The following BRD8 variants were observed in gnomAD, a reference collection of about 807,000 sequenced individuals.
BRD8 encodes the protein bromodomain-containing protein 8.
BRD8 carries 67 observed loss-of-function variants against 143.1 expected under a neutral mutation model. That is an observed-to-expected ratio of 0.47 (90% confidence interval 0.38 to 0.57). The LOEUF is 0.57. BRD8 is among the 20% of genes least tolerant of loss of function. The pLI is 0.00. For missense variants in BRD8, 1,103 were observed against 1,503.0 expected, an observed-to-expected ratio of 0.73 and a Z score of 4.40; for synonymous variants, 505 against 517.1, an observed-to-expected ratio of 0.98 and a Z score of 0.32.
chr5:138,149,448 A>C (rs1752293135), intron 23 of BRD8, among the ~76,000 whole-genome samples, 192 bp downstream of exon 23: 1 of 152,142 alleles, frequency 6.6e-6, no homozygotes, highest in Non-Finnish European at 1.5e-5. Context: ...TTGATTAAAC[A>C]TATTTGTTTT....
chr5:138,164,633 G>T, intron 12 of BRD8, 81 bp downstream of exon 12: 1 of 1,515,118 alleles, frequency 6.6e-7, no homozygotes, highest in Non-Finnish European at 9.0e-7. Flanking sequence ...GAATGCAACT[G>T]GAAAACCAAA....
At chr5:138,151,107 G>A (rs1444843121) in intron 21 of BRD8, 99 bp from the exon 22 acceptor site, 2 of 1,416,390 alleles carry the variant, frequency 1.4e-6, no homozygotes, top group Non-Finnish European at 1.9e-6. Flanking sequence ...CAGTGACTAA[G>A]TCTGAGAGGA....
At chr5:138,151,131 T>C (rs1358440157) in intron 21 of BRD8, 123 bp from the exon 22 acceptor site, 36 of 1,287,398 alleles carry the variant, frequency 2.8e-5, no homozygotes, top group Non-Finnish European at 3.3e-5. Flanking sequence ...AATGGTTTAA[T>C]TAATACAATC....
intron 26 of BRD8, among the ~76,000 whole-genome samples, chr5:138,140,445 G>A (rs1002712170): frequency 5.3e-5 from 8 of 152,140 alleles, no homozygotes; most frequent in Non-Finnish European, 1.0e-4. Flanking sequence ...CTCTGGAAGC[G>A]GGAATTCCCA....
rs375836651 is a variant in BRD8 at position 138,161,087 on chromosome 5, G to A, written c.2250-19C>T. On this transcript the variant is annotated intron_variant, in intron 17 of 26. Transcript: ENST00000254900. ...CATAGGCCTAAAAAAAAAGAACAGG[G>A]GTAAGTAGCAGTGGGGATGGAAAGA... 2.1e-4 allele frequency: 339 copies of A among 1,594,296 alleles called. No homozygotes were observed. Among genetic ancestry groups the A allele is most frequent in the Middle Eastern group, 1.9e-3 (11 of 5,644 alleles).
chr5:138,163,721 CCT>C (rs1753186293), intron 14 of BRD8: 2 of 973,582 alleles, frequency 2.1e-6, no homozygotes, highest in Non-Finnish European at 2.9e-6. Flanking sequence ...ATTCTTTAAG[CCT>C]CTGTTACTGC....
chr5:138,165,939 A>G lies in BRD8; in HGVS notation c.1167T>C (p.Asp389=). ...APVGSKAPSI[D]GKEELDLAEK... ...CAGCCAGATCTAATTCTTCCTTCCC[A>G]TCTATGCTGGGAGCCTTTGATCCAA... The change falls in exon 11 of 27, where the codon GAT becomes GAC. Residue 389 remains aspartate (D), a synonymous_variant. Transcript: ENST00000254900. 6.2e-7 allele frequency: 1 copy of G among 1,614,092 alleles called. No individual in the cohort carries two copies. The highest frequency in any genetic ancestry group is 8.5e-7 in the Non-Finnish European group (1 of 1,180,016).
intron 20 of BRD8, among the ~76,000 whole-genome samples, chr5:138,153,429 A>T (rs142416417): frequency 1.3e-3 from 195 of 152,136 alleles, no homozygotes; most frequent in African/African-American, 4.2e-3. Context: ...AATGTATTTT[A>T]AAAAAATGTA....
intron 25 of BRD8, among the ~76,000 whole-genome samples, chr5:138,141,838 G>T (rs1257020399): frequency 6.6e-6 from 1 of 152,184 alleles, no homozygotes; most frequent in Non-Finnish European, 1.5e-5. Context: ...TGAACTGCAG[G>T]TAAGAATCTG....
rs373539008 is a variant in BRD8, at chr5:138,160,062, G to T, written c.2532+7C>A. ...CTGGCACACAGGTTCCTTCCTGATC[G>T]CCTCACCTTCTCTGAAGCATCCTGT... On this transcript the variant is annotated splice_region_variant and intron_variant, in intron 19 of 26. Coordinates refer to ENST00000254900, the MANE Select transcript of BRD8 (RefSeq NM_139199.2). The T allele has an allele frequency of 3.5e-5, 56 of 1,608,042 alleles. 1 individual carries two copies. In the Middle Eastern group the frequency reaches 8.3e-4, roughly 24 times the overall value.
intron 12 of BRD8, 84 bp from the exon 13 acceptor site, chr5:138,164,497 C>T (rs549782024): frequency 7.2e-7 from 1 of 1,381,408 alleles, no homozygotes; most frequent in Admixed American, 1.9e-5. Context: ...GATAATGAGA[C>T]CATAGAAGAA....
Position 138,171,153 on chromosome 5 carries a change from G to A in BRD8, c.244C>T (p.Arg82Ter). The change falls in exon 5 of 27, where the codon CGA becomes TGA. Residue 82 changes from arginine (R) to a stop codon, truncating the protein, a stop_gained. Coordinates refer to ENST00000254900, the MANE Select transcript of BRD8 (RefSeq NM_139199.2). LOFTEE classifies it high-confidence loss of function. The stretch of plus-strand genomic sequence containing the variant: ...TCCACCACTTCTCCCTTTTCACCTC[G>A]TTTCCGTCTGTGGAAAATTGAAAAA... ...LETTETPKRK[R>*]GEKGEVVETV... is the part of the protein sequence containing the mutation. 2 of 1,603,050 alleles carry A rather than the reference G, an allele frequency of 1.2e-6. No homozygotes were observed. Among genetic ancestry groups the A allele is most frequent in the Non-Finnish European group, 1.7e-6 (2 of 1,176,540 alleles).
At chr5:138,159,495 C>A in intron 20 of BRD8, 60 bp downstream of exon 20, 1 of 1,570,636 alleles carries the variant, frequency 6.4e-7, no homozygotes, top group Middle Eastern at 1.7e-4. Flanking sequence ...GCCACCCACC[C>A]CCATTAAGAG....
chr5:138,146,183 A>C (rs1752142113), intron 23 of BRD8, among the ~76,000 whole-genome samples: 1 of 151,526 alleles, frequency 6.6e-6, no homozygotes, highest in Non-Finnish European at 1.5e-5. Context: ...TCAGCCTCCC[A>C]AGTAGCTGGG....
Position 138,168,037 on chromosome 5 carries a change from G to C in BRD8, c.684C>G (p.Asn228Lys), listed in dbSNP as rs764653573. Residue 228 changes from asparagine to lysine, a missense_variant, in exon 9 of 27, where the codon AAC (asparagine) becomes AAG (lysine). Around this residue, in one of 7 missense-constraint regions of BRD8, gnomAD observed 334 missense variants for 372.5 expected, o/e 0.90. Transcript: ENST00000254900. ...SEMAVASGHLNSTGVLLEVGG... is the reference protein window; with the variant it reads ...SEMAVASGHLKSTGVLLEVGG... ...CTACCTCCAGGAGGACACCTGTACT[G>C]TTCAGGTGGCCAGAAGCCACAGCCA... 19 of 1,612,452 alleles carry C rather than the reference G, an allele frequency of 1.2e-5. No individual in the cohort carries two copies. Among genetic ancestry groups the C allele is most frequent in the Non-Finnish European group, 1.5e-5 (18 of 1,179,236 alleles).
At chr5:138,166,762 A>G in intron 9 of BRD8, 35 bp from the exon 10 acceptor site, 1 of 1,290,838 alleles carries the variant, frequency 7.7e-7, no homozygotes, top group Non-Finnish European at 1.1e-6. Flanking sequence ...ATGAAGTAAG[A>G]AGAAAGCACA....
Position 138,166,522 on chromosome 5 carries a change from A to G in BRD8, c.993T>C (p.Ala331=). 1 of 1,606,044 alleles carries G rather than the reference A, an allele frequency of 6.2e-7. No homozygotes were observed. ...APAVSTTESV[A]PVSQPDNCVP... Reference sequence around the variant, plus strand: ...AGTGGCTGCTCAGGGACGCACCTGGAGCTACACTTTCAGTAGTGGAGACAG... The same window carrying G: ...AGTGGCTGCTCAGGGACGCACCTGGGGCTACACTTTCAGTAGTGGAGACAG... The change falls in exon 10 of 27, where the codon GCT becomes GCC. Residue 331 remains alanine (A), a synonymous_variant. Transcript: ENST00000254900.
rs986397084 is a variant in BRD8, at chr5:138,157,399, G to A, written c.2577+2156C>T. 19 of 1,169,472 alleles carry A rather than the reference G, an allele frequency of 1.6e-5. No homozygotes were observed. In the East Asian group the frequency reaches 4.6e-4, roughly 28 times the overall value. 72.4% of individuals were successfully genotyped at this position (1,169,472 alleles called of 1,614,324 possible). ...TCAGCAGAAAAATCCAGAGGGATGA[G>A]GGGCATATTTCTGTCTTCCCACAGA... On this transcript the variant is annotated intron_variant, in intron 20 of 26. Coordinates refer to ENST00000254900, the MANE Select transcript of BRD8 (RefSeq NM_139199.2).
Position 138,159,665 on chromosome 5 carries a change from C to T in BRD8, c.2533-66G>A, listed in dbSNP as rs1345781671. The T allele has an allele frequency of 2.7e-6, 4 of 1,506,934 alleles. No individual in the cohort carries two copies. The African/African-American group carries it at 4.1e-5, about 16-fold the overall frequency. The allele number at this position is 1,506,934 out of a possible 1,614,324, so 93.3% of individuals were successfully genotyped here. A position where few individuals can be genotyped will look rare whatever the true frequency, so the allele number is the denominator to read the frequency against. ...ACTCTCAGCCACAAGCACCCCAAACCTCAGGACAGAGACACAAGCACCACA... is the reference window on the plus strand; with the variant it reads ...ACTCTCAGCCACAAGCACCCCAAACTTCAGGACAGAGACACAAGCACCACA... On this transcript the variant is annotated intron_variant, in intron 19 of 26. Coordinates refer to ENST00000254900, the MANE Select transcript of BRD8 (RefSeq NM_139199.2).
Sources: gnomAD v4.1 joint callset for allele counts (sites outside exome capture counted in the v4.1 genomes callset) on GRCh38, gnomAD v4.1.1 for gene constraint, gnomAD v4.1.1 regional missense constraint, MANE v1.5 for transcripts, NCBI Gene and HGNC (gene_info 2026-07-23, HGNC 2026-07-21) for gene names.